FBXO16: variants seen among roughly 807,000 people sequenced by gnomAD.
FBXO16 encodes the protein F-box only protein 16.
In FBXO16, 31 loss-of-function variants were observed where a neutral mutation model predicts 41.0. That is an observed-to-expected ratio of 0.76 (90% CI 0.57 to 1.02). The LOEUF (loss-of-function observed/expected upper bound fraction) is 1.02. FBXO16 is among the 50% of genes least tolerant of loss of function. FBXO16 has a pLI of 0.00. For synonymous variants in FBXO16, 133 were observed against 117.8 expected (o/e 1.13, Z -0.84); for missense variants, 361 against 346.2 (o/e 1.04, Z -0.34).
intron 7 of FBXO16, among the ~76,000 whole-genome samples, chr8:28,433,066 A>G (rs1389387401): frequency 7.6e-6 from 1 of 131,432 alleles, no homozygotes; most frequent in South Asian, 2.5e-4. Context: ...GTCCAAAAAA[A>G]AAAAAAACAA....
intron 4 of FBXO16, 57 bp from the exon 5 acceptor site, chr8:28,456,987 T>G: frequency 3.2e-6 from 5 of 1,555,510 alleles, no homozygotes; most frequent in East Asian, 2.3e-5. Flanking sequence ...TCAGTTTACA[T>G]GCCCACTTTC....
intron 7 of FBXO16, among the ~76,000 whole-genome samples, chr8:28,439,094 C>CA (rs57234757): frequency 0.017 from 2,086 of 123,524 alleles, 51 homozygotes; most frequent in African/African-American, 0.054. Context: ...GAACCTGTCT[C>CA]AAAAAAAAAA....
intron 3 of FBXO16, among the ~76,000 whole-genome samples, chr8:28,470,886 T>A (rs1011507301): frequency 6.6e-6 from 1 of 152,240 alleles, no homozygotes; most frequent in African/African-American, 2.4e-5. Flanking sequence ...GTTTCTCTTT[T>A]GAATTCTAAC....
chr8:28,450,561 C>T (rs1466886590), intron 6 of FBXO16, among the ~76,000 whole-genome samples: 1 of 152,208 alleles, frequency 6.6e-6, no homozygotes, highest in Non-Finnish European at 1.5e-5. Flanking sequence ...TGCTCCGTTT[C>T]ATTTGTTTAA....
At chr8:28,460,350 AG>A (rs1803112305) in intron 4 of FBXO16, among the ~76,000 whole-genome samples, 1 of 62,192 alleles carries the variant, frequency 1.6e-5, no homozygotes, top group Non-Finnish European at 3.0e-5. Context: ...CCCAGCCTTA[AG>A]CAAGCAATCT....
rs892170370 is a variant in FBXO16 at position 28,447,890 on chromosome 8, G to A, written c.741-617C>T. Among the ~76,000 whole-genome samples, 4 of 152,192 alleles carry A rather than the reference G, an allele frequency of 2.6e-5. No homozygotes were observed. In the East Asian group the frequency reaches 7.7e-4, roughly 29 times the overall value. ...AATCACTCGAACCCAGGAAGTAGAG[G>A]TTGTAGTGAGCCAAGATCACACCAC... On this transcript the variant is annotated intron_variant, in intron 6 of 8. Transcript: ENST00000380254.
At chr8:28,445,482 C>T (rs752929022) in intron 7 of FBXO16, among the ~76,000 whole-genome samples, 2 of 152,212 alleles carry the variant, frequency 1.3e-5, no homozygotes, top group Non-Finnish European at 2.9e-5. Context: ...TCAAATTCCC[C>T]GTTCTCCCAT....
At chr8:28,450,769 C>T (rs1231636532) in intron 6 of FBXO16, among the ~76,000 whole-genome samples, 2 of 151,970 alleles carry the variant, frequency 1.3e-5, no homozygotes, top group African/African-American at 4.8e-5. Context: ...GCAGTAGGCA[C>T]CAAAACTTAT....
At chr8:28,460,404 C>T (rs1803113108) in intron 4 of FBXO16, among the ~76,000 whole-genome samples, 2 of 142,054 alleles carry the variant, frequency 1.4e-5, no homozygotes, top group East Asian at 4.2e-4. Flanking sequence ...ACTCTAGGCA[C>T]ATGCGCTATA....
chr8:28,466,236 C>A (rs1429613314), intron 3 of FBXO16, among the ~76,000 whole-genome samples: 1 of 142,664 alleles, frequency 7.0e-6, no homozygotes, highest in Non-Finnish European at 1.5e-5. Flanking sequence ...TCTGAAAAAA[C>A]AAAACAAAAC....
At chr8:28,450,704 C>T (rs371026292) in intron 6 of FBXO16, among the ~76,000 whole-genome samples, 9 of 152,158 alleles carry the variant, frequency 5.9e-5, no homozygotes, top group Non-Finnish European at 1.2e-4. Flanking sequence ...AATACCTCAG[C>T]CTTTCTTGTA....
intron 4 of FBXO16, among the ~76,000 whole-genome samples, chr8:28,462,027 C>A (rs1444301533): frequency 6.6e-6 from 1 of 151,992 alleles, no homozygotes; most frequent in Non-Finnish European, 1.5e-5. Flanking sequence ...GAAGCCTCAA[C>A]CTTCTGGGTT....
At chr8:28,472,470 C>T (rs1000631241) in intron 3 of FBXO16, among the ~76,000 whole-genome samples, 2 of 152,064 alleles carry the variant, frequency 1.3e-5, no homozygotes, top group African/African-American at 4.8e-5. Flanking sequence ...GCATGTGGTT[C>T]GCACCTGTAA....
intron 5 of FBXO16, 92 bp downstream of exon 5, chr8:28,456,674 T>C: frequency 1.4e-6 from 2 of 1,427,698 alleles, no homozygotes; most frequent in Non-Finnish European, 1.9e-6. Context: ...CTACCTCCCT[T>C]CCCCAACTTC....
In FBXO16 at chr8:28,452,373, G is replaced by C; in HGVS notation, c.611C>G (p.Ser204Cys). The change falls in exon 6 of 9, where the codon TCT (serine) becomes TGT (cysteine). Residue 204 changes from serine to cysteine, a missense_variant. Ser to Cys is a moderately radical substitution (Grantham distance 112). Coordinates refer to ENST00000380254, the MANE Select transcript of FBXO16 (RefSeq NM_172366.4). ...CCCTGAGTTATTCTTCTTTCTTAAAGAGGAAGAGGACCGAAAAGCTGATAA... is the reference window on the plus strand; with the variant it reads ...CCCTGAGTTATTCTTCTTTCTTAAACAGGAAGAGGACCGAAAAGCTGATAA... Reference protein sequence around the residue: ...SPLSAFRSSSSLRKKNNSGEK... With the variant: ...SPLSAFRSSSCLRKKNNSGEK... The C allele has an allele frequency of 6.2e-7, 1 of 1,614,202 alleles. No individual in the cohort carries two copies. Among genetic ancestry groups the C allele is most frequent in the Non-Finnish European group, 8.5e-7 (1 of 1,180,036 alleles).
chr8:28,437,530 C>T (rs1802704368), intron 7 of FBXO16, among the ~76,000 whole-genome samples: 1 of 152,168 alleles, frequency 6.6e-6, no homozygotes, highest in Admixed American at 6.5e-5. Context: ...TAATCCATGG[C>T]ACTGAGTTCA....
chr8:28,461,998 G>A (rs1179756150), intron 4 of FBXO16, among the ~76,000 whole-genome samples: 1 of 151,650 alleles, frequency 6.6e-6, no homozygotes, highest in African/African-American at 2.4e-5. Context: ...GTTGTGTAGT[G>A]GCACAGTCAT....
At position 28,432,978 on chromosome 8, in the gene FBXO16, T is replaced by C. The variant is rs1470495044; in HGVS notation, c.844-3575A>G. 2.6e-5 allele frequency among the ~76,000 whole-genome samples: 4 copies of C among 151,844 alleles called. 1 individual carries two copies. Among genetic ancestry groups the C allele is most frequent in the Non-Finnish European group, 5.9e-5 (4 of 67,962 alleles). ...TGGGAGGCCGAGACAGGAGAATCAC[T>C]TGAACTTGGGAGGCGGAGGTTGCAG... is the stretch of plus-strand genomic sequence containing the variant. On this transcript the variant is annotated intron_variant, in intron 7 of 8. Transcript: ENST00000380254.
chr8:28,448,995 C>A (rs886646181), intron 6 of FBXO16: 12 of 152,176 alleles, frequency 7.9e-5, no homozygotes, highest in Non-Finnish European at 1.3e-4. Context: ...GATGAGTATC[C>A]ATGGCTACCA....
Sources: gnomAD v4.1 joint callset for allele counts (sites outside exome capture counted in the v4.1 genomes callset) on GRCh38, gnomAD v4.1.1 for gene constraint, MANE v1.5 for transcripts, NCBI Gene and HGNC (gene_info 2026-07-23, HGNC 2026-07-21) for gene names.